LGSN: variants seen among roughly 807,000 people sequenced by gnomAD.
LGSN encodes the protein lengsin, lens protein with glutamine synthetase domain.
In LGSN, 21 loss-of-function variants were observed where a neutral mutation model predicts 19.5. The observed-to-expected ratio is 1.07, with a 90% confidence interval of 0.76 to 1.55. The LOEUF is 1.55. Ranked by LOEUF, LGSN falls within the 40% of genes most tolerant of loss-of-function variation. The pLI is 0.00. For synonymous variants in LGSN, 257 were observed against 215.6 expected, an observed-to-expected ratio of 1.19 and a Z score of -1.68; for missense variants, 673 against 608.5, an observed-to-expected ratio of 1.11 and a Z score of -1.12.
At chr6:63,298,547 C>T (rs1044302777) in intron 1 of LGSN, among the ~76,000 whole-genome samples, 1 of 152,112 alleles carries the variant, frequency 6.6e-6, no homozygotes, top group Admixed American at 6.6e-5. Context: ...GAAAAATCTT[C>T]GGCTTAGTTG....
At chr6:63,395,792 GA>G in the LGSN span, 2 of 143,088 alleles carry the variant, frequency 1.4e-5, no homozygotes, top group Non-Finnish European at 3.1e-5. Context: ...GTGGGGGCTG[GA>G]ATTTGGGGGC....
chr6:63,375,018 G>A, the LGSN span, among the ~76,000 whole-genome samples: 1 of 152,138 alleles, frequency 6.6e-6, no homozygotes, highest in Admixed American at 6.5e-5. Context: ...TGACACAAAT[G>A]TTTCCTAATT....
At chr6:63,530,974 A>G in the LGSN span, among the ~76,000 whole-genome samples, 2 of 152,176 alleles carry the variant, frequency 1.3e-5, no homozygotes, top group Admixed American at 1.3e-4. Context: ...ATTTGTTTGC[A>G]TTTTAACCTA....
intron 1 of LGSN, among the ~76,000 whole-genome samples, chr6:63,312,660 A>C (rs1251700915): frequency 2.6e-5 from 4 of 152,224 alleles, no homozygotes; most frequent in Non-Finnish European, 5.9e-5. Context: ...GAAACACTAC[A>C]GCTAGGTCAG....
At chr6:63,407,431 C>T in the LGSN span, among the ~76,000 whole-genome samples, 5 of 152,210 alleles carry the variant, frequency 3.3e-5, no homozygotes, top group Non-Finnish European at 7.3e-5. Flanking sequence ...ACAAAAACCA[C>T]ATGATTTTCT....
chr6:63,492,989 T>C, the LGSN span, among the ~76,000 whole-genome samples: 1 of 152,254 alleles, frequency 6.6e-6, no homozygotes, highest in Non-Finnish European at 1.5e-5. Context: ...ACTATTCTGC[T>C]TTGGGTTATG....
the LGSN span, among the ~76,000 whole-genome samples, chr6:63,400,421 C>T: frequency 6.6e-6 from 1 of 152,204 alleles, no homozygotes; most frequent in Non-Finnish European, 1.5e-5. Flanking sequence ...GGATAAAGTG[C>T]ACCTCCAGGA....
chr6:63,478,697 A>G, the LGSN span, among the ~76,000 whole-genome samples: 16 of 152,222 alleles, frequency 1.1e-4, no homozygotes, highest in Non-Finnish European at 1.9e-4. Flanking sequence ...TAAAGATTCA[A>G]GAATTTAAAC....
the LGSN span, among the ~76,000 whole-genome samples, chr6:63,461,418 G>C: frequency 6.6e-6 from 1 of 152,116 alleles, no homozygotes; most frequent in Non-Finnish European, 1.5e-5. Flanking sequence ...ATTTAGTCCT[G>C]AATCCAAGGA....
chr6:63,471,617 A>T, the LGSN span, among the ~76,000 whole-genome samples: 2 of 151,422 alleles, frequency 1.3e-5, no homozygotes, highest in African/African-American at 2.4e-5. Context: ...GTGAGCTGAG[A>T]TCACCGCCAC....
At chr6:63,482,266 C>G in the LGSN span, among the ~76,000 whole-genome samples, 1 of 152,068 alleles carries the variant, frequency 6.6e-6, no homozygotes, top group Non-Finnish European at 1.5e-5. Flanking sequence ...TTCCCAACAC[C>G]TAGATCATAG....
At chr6:63,396,956 C>A in the LGSN span, 2 of 152,468 alleles carry the variant, frequency 1.3e-5, no homozygotes, top group African/African-American at 4.8e-5. Flanking sequence ...GCTAGACCCT[C>A]AAGGAGCACC....
the LGSN span, among the ~76,000 whole-genome samples, chr6:63,544,732 A>G: frequency 6.6e-6 from 1 of 152,126 alleles, no homozygotes; most frequent in Non-Finnish European, 1.5e-5. Flanking sequence ...TCATGATTAG[A>G]TTCAGGATAC....
chr6:63,402,556 G>C, the LGSN span, among the ~76,000 whole-genome samples: 2 of 152,170 alleles, frequency 1.3e-5, no homozygotes, highest in African/African-American at 2.4e-5. Context: ...TGGACTATTT[G>C]AATTAGTGAC....
chr6:63,390,066 T>C, the LGSN span, among the ~76,000 whole-genome samples: 13 of 150,660 alleles, frequency 8.6e-5, no homozygotes, highest in South Asian at 2.7e-3. Context: ...TCAGAAACTG[T>C]ATAAAGAATA....
chr6:63,565,805 TACTC>T, the LGSN span, among the ~76,000 whole-genome samples: 1 of 152,256 alleles, frequency 6.6e-6, no homozygotes, highest in Non-Finnish European at 1.5e-5. Context: ...CATCAAAACT[TACTC>T]AAAAGACTTT....
the LGSN span, among the ~76,000 whole-genome samples, chr6:63,514,487 G>A: frequency 2.6e-5 from 4 of 152,160 alleles, no homozygotes; most frequent in South Asian, 2.1e-4. Context: ...TCGGCCTCCC[G>A]AAGTGCTGGA....
chr6:63,445,692 C>A, the LGSN span, among the ~76,000 whole-genome samples: 1 of 152,142 alleles, frequency 6.6e-6, no homozygotes, highest in Admixed American at 6.5e-5. Flanking sequence ...TCATTACCTT[C>A]AATATCAGCA....
chr6:63,399,095 T>C, the LGSN span, among the ~76,000 whole-genome samples: 2 of 151,990 alleles, frequency 1.3e-5, no homozygotes, highest in African/African-American at 2.4e-5. Context: ...ACATGAGTTA[T>C]CGCACGTGGC....
Sources: allele counts gnomAD v4.1 joint callset (sites outside exome capture counted in the v4.1 genomes callset), GRCh38; gene constraint gnomAD v4.1.1; transcripts MANE v1.5; gene names NCBI Gene and HGNC (gene_info 2026-07-23, HGNC 2026-07-21).